OSBPL8: variants seen among roughly 807,000 people sequenced by gnomAD.
OSBPL8 encodes the protein oxysterol binding protein like 8.
Under a neutral mutation model 125.5 loss-of-function variants are expected in OSBPL8, and 59 were observed. The ratio of observed to expected loss-of-function variants is 0.47; its 90% CI spans 0.38 to 0.58. The LOEUF is 0.58. OSBPL8 is among the 20% of genes least tolerant of loss of function. The pLI is 0.00. For missense variants in OSBPL8, 758 were observed against 1,047.8 expected (o/e 0.72, Z 3.82); for synonymous variants, 330 against 338.9 (o/e 0.97, Z 0.29).
chr12:76,486,672 T>C (rs1878168976), intron 2 of OSBPL8, among the ~76,000 whole-genome samples: 1 of 152,222 alleles, frequency 6.6e-6, no homozygotes, highest in Non-Finnish European at 1.5e-5. Context: ...TACCCACTAC[T>C]TGTTTAATTT....
At chr12:76,367,246 G>T (rs1565829244) in intron 21 of OSBPL8, among the ~76,000 whole-genome samples, 1 of 151,880 alleles carries the variant, frequency 6.6e-6, no homozygotes, top group African/African-American at 2.4e-5. Flanking sequence ...GTGTGTGTGT[G>T]TGTGTGTGTG....
chr12:76,402,850 AT>A (rs1954108270), intron 5 of OSBPL8, 84 bp from the exon 6 acceptor site: 2 of 878,302 alleles, frequency 2.3e-6, no homozygotes, highest in Admixed American at 2.5e-5. Context: ...ATTATGTGAC[AT>A]TTTTCTCATT....
chr12:76,408,541 A>G (rs900969608), intron 5 of OSBPL8, among the ~76,000 whole-genome samples: 2 of 151,960 alleles, frequency 1.3e-5, no homozygotes, highest in Admixed American at 6.6e-5. Flanking sequence ...TAGGAGAGTC[A>G]AGATTCAAAT....
intron 1 of OSBPL8, among the ~76,000 whole-genome samples, chr12:76,558,595 G>C (rs1317845398): frequency 1.3e-5 from 2 of 152,192 alleles, no homozygotes; most frequent in Non-Finnish European, 2.9e-5. Flanking sequence ...TTACCCATCT[G>C]TTTACGTTGT....
At chr12:76,485,964 C>T (rs1861196808) in intron 2 of OSBPL8, 1 of 362,176 alleles carries the variant, frequency 2.8e-6, no homozygotes, top group Non-Finnish European at 5.4e-6. Context: ...ATAAAATAAA[C>T]ATTAAGTTCT....
At chr12:76,363,505 T>C (rs1258758252) in intron 21 of OSBPL8, among the ~76,000 whole-genome samples, 1 of 151,962 alleles carries the variant, frequency 6.6e-6, no homozygotes, top group African/African-American at 2.4e-5. Flanking sequence ...ATACAAAAAT[T>C]AACTCAAGAT....
intron 1 of OSBPL8, chr12:76,534,288 A>C (rs1275590855): frequency 6.6e-6 from 1 of 152,244 alleles, no homozygotes; most frequent in Non-Finnish European, 1.5e-5. Context: ...GTTTCTGTTA[A>C]AGAATGGGCG....
At chr12:76,503,436 C>T (rs931419685) in intron 1 of OSBPL8, among the ~76,000 whole-genome samples, 4 of 152,242 alleles carry the variant, frequency 2.6e-5, no homozygotes, top group Admixed American at 2.0e-4. Context: ...ACTTAACTAT[C>T]TCATTAAAGA....
At chr12:76,460,989 A>G (rs1390619075) in intron 2 of OSBPL8, among the ~76,000 whole-genome samples, 1 of 152,178 alleles carries the variant, frequency 6.6e-6, no homozygotes, top group Non-Finnish European at 1.5e-5. Flanking sequence ...ATGGCTTTTT[A>G]CAATACTTGA....
intron 1 of OSBPL8, among the ~76,000 whole-genome samples, chr12:76,555,961 C>G (rs368050876): frequency 6.6e-6 from 1 of 152,154 alleles, no homozygotes; most frequent in Admixed American, 6.5e-5. Context: ...TGTCTACCCC[C>G]TTAGACACTG....
At chr12:76,439,306 G>A (rs536269457) in intron 4 of OSBPL8, among the ~76,000 whole-genome samples, 1 of 152,188 alleles carries the variant, frequency 6.6e-6, no homozygotes, top group South Asian at 2.1e-4. Context: ...TTGAACCCAG[G>A]AGGCGGAGGT....
chr12:76,358,922 G>A, intron 21 of OSBPL8, 111 bp from the exon 22 acceptor site: 1 of 754,698 alleles, frequency 1.3e-6, no homozygotes, highest in South Asian at 1.7e-5. Flanking sequence ...CAGAAATAAA[G>A]ACAATGATGA....
At chr12:76,504,931 G>A (rs1384155657) in intron 1 of OSBPL8, among the ~76,000 whole-genome samples, 2 of 151,944 alleles carry the variant, frequency 1.3e-5, no homozygotes, top group East Asian at 1.9e-4. Flanking sequence ...GATCTCCTTC[G>A]TGGCTCTCAC....
chr12:76,355,311 T>C lies in OSBPL8; in HGVS notation c.*578A>G, dbSNP rs565619494. ...GCAATTTGCCATTTATCTCTCTCGA[T>C]GTATTCATTTTGACCATTCATACTT... On this transcript the variant is annotated 3_prime_UTR_variant, in exon 24 of 24. Coordinates refer to ENST00000261183, the MANE Select transcript of OSBPL8 (RefSeq NM_020841.5). 3.9e-5 allele frequency: 6 copies of C among 152,600 alleles called. No individual in the cohort carries two copies. The highest frequency in any genetic ancestry group is 3.4e-3 in the Middle Eastern group (1 of 294). The allele number at this position is 152,600 out of a possible 1,614,324, so 9.5% of individuals were successfully genotyped here. A position where few individuals can be genotyped will look rare whatever the true frequency, so the allele number is the denominator to read the frequency against.
In OSBPL8 at chr12:76,387,457, TTTTTA is replaced by T. The variant is rs1344942287; in HGVS notation, c.1353-802_1353-798del. Reference sequence around the variant, plus strand: ...AGAATAATGGATAATCAAAGAGTAATTTTTATTTTAAAGAAGAAATTTGTAGGAGC... The same window carrying T: ...AGAATAATGGATAATCAAAGAGTAATTTTTAAAGAAGAAATTTGTAGGAGC... On this transcript the variant is annotated intron_variant, in intron 12 of 23. Coordinates refer to ENST00000261183, the MANE Select transcript of OSBPL8 (RefSeq NM_020841.5). 3.9e-5 allele frequency among the ~76,000 whole-genome samples: 6 copies of T among 152,264 alleles called. No individual in the cohort carries two copies. In the East Asian group the frequency reaches 1.2e-3, roughly 29 times the overall value.
At chr12:76,482,923 A>G (rs1877681827) in intron 2 of OSBPL8, among the ~76,000 whole-genome samples, 1 of 152,182 alleles carries the variant, frequency 6.6e-6, no homozygotes, top group African/African-American at 2.4e-5. Flanking sequence ...GAAAAATAGA[A>G]CCATATGCAA....
At chr12:76,497,249 T>C (rs1023234030) in intron 1 of OSBPL8, among the ~76,000 whole-genome samples, 1 of 152,074 alleles carries the variant, frequency 6.6e-6, no homozygotes, top group African/African-American at 2.4e-5. Flanking sequence ...CTTTCGACTT[T>C]GCAGATGATA....
intron 4 of OSBPL8, among the ~76,000 whole-genome samples, 181 bp downstream of exon 4, chr12:76,450,670 A>G (rs1227560669): frequency 6.6e-6 from 1 of 152,146 alleles, no homozygotes; most frequent in East Asian, 1.9e-4. Context: ...AAAAGTCTAA[A>G]GGAAAGTGTA....
At chr12:76,479,619 CA>C (rs952638531) in intron 2 of OSBPL8, among the ~76,000 whole-genome samples, 4 of 151,692 alleles carry the variant, frequency 2.6e-5, no homozygotes, top group African/African-American at 4.8e-5. Context: ...TCATTATTGT[CA>C]AAAAAAATTT....
Sources: allele counts gnomAD v4.1 joint callset (sites outside exome capture counted in the v4.1 genomes callset), GRCh38; gene constraint gnomAD v4.1.1; transcripts MANE v1.5; gene names NCBI Gene and HGNC (gene_info 2026-07-23, HGNC 2026-07-21).